ARHGEF28: variants seen among roughly 807,000 people sequenced by gnomAD.
ARHGEF28 encodes the protein Rho guanine nucleotide exchange factor 28.
ARHGEF28 carries 152 observed loss-of-function variants against 206.6 expected under a neutral mutation model. The observed-to-expected ratio is 0.74, with a 90% CI of 0.64 to 0.84. The LOEUF is 0.84. ARHGEF28 is among the 40% of genes least tolerant of loss of function. The probability of loss-of-function intolerance (pLI) is 0.00; values close to 1 mark genes in which losing one functional copy is unlikely to be tolerated. For missense variants in ARHGEF28, 2,028 were observed against 2,073.2 expected (o/e 0.98, Z 0.42); for synonymous variants, 763 against 776.4 (o/e 0.98, Z 0.29).
In ARHGEF28 at chr5:73,840,646, A is replaced by G; in HGVS notation, c.1313A>G (p.His438Arg). Residue 438 changes from histidine to arginine, a missense_variant, in exon 11 of 36, where the codon CAC becomes CGC. This residue lies in a region of ARHGEF28 where 1,002 missense variants were observed against 1,015.3 expected (regional missense o/e 0.99). Transcript: ENST00000513042. ...PLSENVEGTA[H>R]TEAQQSFMSP... Reference sequence around the variant, plus strand: ...AGTGAAAATGTCGAAGGGACAGCACACACTGAAGCCCAGCAGTCCTTCATG... The same window carrying G: ...AGTGAAAATGTCGAAGGGACAGCACGCACTGAAGCCCAGCAGTCCTTCATG... 6.2e-7 allele frequency: 1 copy of G among 1,613,886 alleles called. No individual in the cohort carries two copies. The highest frequency in any genetic ancestry group is 8.5e-7 in the Non-Finnish European group (1 of 1,179,828).
intron 7 of ARHGEF28, among the ~76,000 whole-genome samples, chr5:73,784,799 A>G (rs80236835): frequency 2.0e-5 from 3 of 152,188 alleles, no homozygotes; most frequent in Admixed American, 6.5e-5. Context: ...AAGGTTAACA[A>G]TGATAATTAA....
intron 1 of ARHGEF28, among the ~76,000 whole-genome samples, chr5:73,659,063 G>T (rs1745421517): frequency 6.6e-6 from 1 of 151,576 alleles, no homozygotes; most frequent in Non-Finnish European, 1.5e-5. Flanking sequence ...AGGCCTGCTT[G>T]CCCCAAACTC....
intron 1 of ARHGEF28, among the ~76,000 whole-genome samples, chr5:73,668,185 G>A (rs1371831262): frequency 6.6e-6 from 1 of 152,116 alleles, no homozygotes; most frequent in Non-Finnish European, 1.5e-5. Context: ...CCATTACCTA[G>A]TTTCAAAGCT....
At chr5:73,921,029 A>G (rs942325280) in intron 35 of ARHGEF28, among the ~76,000 whole-genome samples, 2 of 152,194 alleles carry the variant, frequency 1.3e-5, no homozygotes, top group African/African-American at 4.8e-5. Context: ...TCAATGAAAC[A>G]CTTTCTTAAA....
intron 1 of ARHGEF28, among the ~76,000 whole-genome samples, chr5:73,652,789 C>A (rs1744916253): frequency 6.6e-6 from 1 of 152,106 alleles, no homozygotes; most frequent in Admixed American, 6.6e-5. Context: ...ATTATTATCC[C>A]CAATTTACAG....
intron 7 of ARHGEF28, among the ~76,000 whole-genome samples, chr5:73,791,490 G>A (rs1754479849): frequency 6.6e-6 from 1 of 152,202 alleles, no homozygotes; most frequent in Non-Finnish European, 1.5e-5. Context: ...TGGTGGTCTG[G>A]CTGCGTCTGA....
At chr5:73,922,893 G>A (rs1232592885) in intron 35 of ARHGEF28, among the ~76,000 whole-genome samples, 1 of 152,166 alleles carries the variant, frequency 6.6e-6, no homozygotes, top group East Asian at 1.9e-4. Context: ...TTAGACACAA[G>A]TAGAGCACAT....
intron 2 of ARHGEF28, among the ~76,000 whole-genome samples, chr5:73,704,840 C>T (rs753502988): frequency 9.9e-5 from 15 of 152,090 alleles, no homozygotes; most frequent in Non-Finnish European, 1.8e-4. Context: ...TGTGATTGGC[C>T]GTGATGGCCA....
intron 29 of ARHGEF28, among the ~76,000 whole-genome samples, chr5:73,897,118 C>T (rs1454370888): frequency 6.6e-6 from 1 of 152,210 alleles, no homozygotes; most frequent in Non-Finnish European, 1.5e-5. Flanking sequence ...CTGTCTCTTC[C>T]TCTTGAAACC....
At chr5:73,857,289 A>G (rs1759106725) in intron 14 of ARHGEF28, among the ~76,000 whole-genome samples, 1 of 152,204 alleles carries the variant, frequency 6.6e-6, no homozygotes, top group African/African-American at 2.4e-5. Context: ...CATAGTAAAC[A>G]GGAAGTTGAG....
intron 1 of ARHGEF28, among the ~76,000 whole-genome samples, chr5:73,669,302 A>G (rs1340108790): frequency 6.6e-6 from 1 of 152,224 alleles, no homozygotes; most frequent in Non-Finnish European, 1.5e-5. Context: ...CACCTATAGT[A>G]GCCACCACAA....
intron 9 of ARHGEF28, among the ~76,000 whole-genome samples, chr5:73,814,473 GGCTGGGCTTA>G (rs893991652): frequency 1.0e-3 from 155 of 152,170 alleles, no homozygotes; most frequent in African/African-American, 3.4e-3. Context: ...TCCCATCCTC[GGCTGGGCTTA>G]GCTGGCAGTG....
chr5:73,686,313 C>T (rs1330769731), intron 2 of ARHGEF28, among the ~76,000 whole-genome samples: 1 of 152,030 alleles, frequency 6.6e-6, no homozygotes, highest in Non-Finnish European at 1.5e-5. Flanking sequence ...CACCCTCCTC[C>T]CCTACCTCAA....
intron 30 of ARHGEF28, chr5:73,900,079 G>A (rs1762173433): frequency 6.6e-6 from 1 of 152,228 alleles, no homozygotes; most frequent in Admixed American, 6.5e-5. Flanking sequence ...GTGCTGATCA[G>A]CTTGAACAAA....
chr5:73,676,444 G>A (rs1472376263), intron 1 of ARHGEF28, among the ~76,000 whole-genome samples: 1 of 152,124 alleles, frequency 6.6e-6, no homozygotes, highest in Non-Finnish European at 1.5e-5. Flanking sequence ...TCGCCATGTT[G>A]GCCAGACTGG....
chr5:73,704,299 C>A (rs190979318), intron 2 of ARHGEF28, among the ~76,000 whole-genome samples: 1 of 152,264 alleles, frequency 6.6e-6, no homozygotes, highest in African/African-American at 2.4e-5. Context: ...CTGCTTCAAT[C>A]TTCTTATTTT....
rs556529844 is a variant in ARHGEF28 at position 73,684,920 on chromosome 5, G to C, written c.33+36G>C. 3.7e-6 allele frequency: 6 copies of C among 1,606,944 alleles called. No homozygotes were observed. The East Asian group carries it at 1.1e-4, about 30-fold the overall frequency. ...AAGCACGGGGCTTCAGGTCCAAGGG[G>C]CCCTTTCTTAACTCCAAACCATGTG... is the stretch of plus-strand genomic sequence containing the variant. On this transcript the variant is annotated intron_variant, in intron 2 of 35. Transcript: ENST00000513042.
At chr5:73,681,854 C>G (rs754324811) in intron 1 of ARHGEF28, among the ~76,000 whole-genome samples, 1 of 152,072 alleles carries the variant, frequency 6.6e-6, no homozygotes, top group Admixed American at 6.6e-5. Flanking sequence ...AATCCCAGCA[C>G]TGTGGGAGGC....
chr5:73,853,637 G>T (rs1339214778), intron 14 of ARHGEF28, among the ~76,000 whole-genome samples: 1 of 152,148 alleles, frequency 6.6e-6, no homozygotes, highest in Non-Finnish European at 1.5e-5. Context: ...TGATCAAGTT[G>T]ACTTCGTGAC....
Sources: allele counts gnomAD v4.1 joint callset (sites outside exome capture counted in the v4.1 genomes callset), GRCh38; gene constraint gnomAD v4.1.1; regional missense constraint gnomAD v4.1.1; transcripts MANE v1.5; gene names NCBI Gene and HGNC (gene_info 2026-07-23, HGNC 2026-07-21).